LDLRAD4: variants seen among roughly 807,000 people sequenced by gnomAD.
LDLRAD4 encodes low-density lipoprotein receptor class A domain-containing protein 4.
LDLRAD4 carries 5 observed loss-of-function variants against 17.0 expected under a neutral mutation model. The observed-to-expected ratio is 0.29, with a 90% CI of 0.15 to 0.62. The LOEUF is 0.62. LDLRAD4 is among the 20% of genes least tolerant of loss of function. LDLRAD4 has a pLI of 0.84. For missense variants in LDLRAD4, 340 were observed against 424.7 expected (o/e 0.80, Z 1.75); for synonymous variants, 168 against 171.8 (o/e 0.98, Z 0.17).
chr18:13,225,034 T>C (rs556291738), intron 1 of LDLRAD4, among the ~76,000 whole-genome samples: 41 of 151,428 alleles, frequency 2.7e-4, no homozygotes, highest in Admixed American at 7.9e-4. Context: ...CGGGGTTTCG[T>C]CATGTTGGCC....
At chr18:13,308,378 C>A (rs2047036541) in intron 1 of LDLRAD4, among the ~76,000 whole-genome samples, 1 of 152,148 alleles carries the variant, frequency 6.6e-6, no homozygotes, top group Non-Finnish European at 1.5e-5. Context: ...TATTTTATTT[C>A]TCTTAATTTC....
intron 3 of LDLRAD4, among the ~76,000 whole-genome samples, chr18:13,553,611 A>G (rs963814414): frequency 6.6e-6 from 1 of 152,210 alleles, no homozygotes; most frequent in African/African-American, 2.4e-5. Context: ...AGTGATTCCC[A>G]TTAATAGCTG....
At chr18:13,302,795 C>T (rs893683796) in intron 1 of LDLRAD4, among the ~76,000 whole-genome samples, 5 of 152,164 alleles carry the variant, frequency 3.3e-5, no homozygotes, top group Non-Finnish European at 4.4e-5. Context: ...CTGTTACATG[C>T]TGTTATGTTA....
chr18:13,401,378 A>T (rs111937145), intron 2 of LDLRAD4, among the ~76,000 whole-genome samples: 3,012 of 152,202 alleles, frequency 0.02, 100 homozygotes, highest in African/African-American at 0.068. Context: ...TTGAAAAAAA[A>T]AAAAAAAACT....
rs114427959 is a variant in LDLRAD4 at position 13,498,430 on chromosome 18, G to A, written c.181+60046G>A. On this transcript the variant is annotated intron_variant, in intron 3 of 5. Transcript: ENST00000359446. ...CCATAGACACTGGAGAATCCTTCTC[G>A]CCACACACATCCCGCCGTGGACACT... Among the ~76,000 whole-genome samples, 876 of 100,006 alleles carry A rather than the reference G, an allele frequency of 8.8e-3. 8 individuals carry two copies. Among genetic ancestry groups the A allele is most frequent in the African/African-American group, 0.033 (825 of 25,046 alleles). 65.6% of individuals were successfully genotyped at this position (100,006 alleles called of 152,430 possible).
At chr18:13,558,514 T>C (rs943565385) in intron 3 of LDLRAD4, among the ~76,000 whole-genome samples, 14 of 152,370 alleles carry the variant, frequency 9.2e-5, no homozygotes, top group African/African-American at 2.6e-4. Context: ...GGAAGAGCTA[T>C]ATCTATGTAG....
chr18:13,260,860 C>T (rs1316262392), intron 1 of LDLRAD4, among the ~76,000 whole-genome samples: 1 of 152,230 alleles, frequency 6.6e-6, no homozygotes, highest in Admixed American at 6.5e-5. Flanking sequence ...GATGCCATGG[C>T]ACCTAGAAAC....
chr18:13,519,038 G>A (rs753396353), intron 3 of LDLRAD4, among the ~76,000 whole-genome samples: 3 of 152,290 alleles, frequency 2.0e-5, no homozygotes, highest in South Asian at 2.1e-4. Flanking sequence ...TTTGTCTCCC[G>A]TCTGCTAGCT....
chr18:13,306,500 C>T (rs879579305), intron 1 of LDLRAD4, among the ~76,000 whole-genome samples: 55 of 152,152 alleles, frequency 3.6e-4, no homozygotes, highest in Non-Finnish European at 7.1e-4. Context: ...TCTATTTGCC[C>T]TCAAATAAGA....
At position 13,645,084 on chromosome 18, in the gene LDLRAD4, T is replaced by C. The variant is rs775457494; in HGVS notation, c.391-43T>C. The C allele has an allele frequency of 1.3e-5, 19 of 1,519,678 alleles. No homozygotes were observed. The highest frequency in any genetic ancestry group is 4.1e-5 in the African/African-American group (3 of 73,032). The allele number at this position is 1,519,678 out of a possible 1,614,324, so 94.1% of individuals were successfully genotyped here. A position where few individuals can be genotyped will look rare whatever the true frequency, so the allele number is the denominator to read the frequency against. On this transcript the variant is annotated intron_variant, in intron 5 of 5. Coordinates refer to ENST00000359446, the Ensembl canonical transcript of LDLRAD4. The surrounding 1 kb of genome is among the most constrained non-coding windows in gnomAD (Gnocchi z 5.7). ...GATTCTGACACATTTATGGTCATCA[T>C]TGCGCTCAAACTGTCTTCAAGCCTC...
intron 4 of LDLRAD4, among the ~76,000 whole-genome samples, chr18:13,632,606 G>T (rs2096839): frequency 0.43 from 65,121 of 152,128 alleles, 15,690 homozygotes; most frequent in Middle Eastern, 0.58. Flanking sequence ...AGAACCCTAG[G>T]TCTGGGCTGC....
At chr18:13,586,580 T>C (rs1035903414) in intron 3 of LDLRAD4, among the ~76,000 whole-genome samples, 3 of 151,938 alleles carry the variant, frequency 2.0e-5, no homozygotes, top group African/African-American at 7.2e-5. Flanking sequence ...TACAAGGATC[T>C]CTGACTTTAA....
intron 3 of LDLRAD4, among the ~76,000 whole-genome samples, chr18:13,577,888 A>G (rs1396720967): frequency 6.6e-6 from 1 of 152,142 alleles, no homozygotes; most frequent in Admixed American, 6.5e-5. Flanking sequence ...ATGTTTCCTT[A>G]CTCTGGAATC....
intron 2 of LDLRAD4, among the ~76,000 whole-genome samples, chr18:13,415,078 G>T (rs750697862): frequency 1.3e-5 from 2 of 152,208 alleles, no homozygotes; most frequent in Non-Finnish European, 2.9e-5. Flanking sequence ...GTACAGCTGG[G>T]CTGGGCAGTG....
intron 3 of LDLRAD4, among the ~76,000 whole-genome samples, chr18:13,580,171 T>C (rs905913702): frequency 6.6e-6 from 1 of 152,192 alleles, no homozygotes; most frequent in African/African-American, 2.4e-5. Context: ...CTGTGCCTCG[T>C]GCATACTGTG....
At chr18:13,453,714 C>A (rs1037907706) in intron 3 of LDLRAD4, among the ~76,000 whole-genome samples, 1 of 152,198 alleles carries the variant, frequency 6.6e-6, no homozygotes, top group African/African-American at 2.4e-5. Context: ...GATGAGAGCC[C>A]CAGCTCTGAG....
intron 5 of LDLRAD4, among the ~76,000 whole-genome samples, chr18:13,643,909 CGTGT>C (rs988621470): frequency 6.6e-6 from 1 of 151,746 alleles, no homozygotes; most frequent in African/African-American, 2.4e-5. Context: ...TGCATATATG[CGTGT>C]GTGTGTGTAT....
chr18:13,428,674 G>A (rs2090118215), intron 2 of LDLRAD4, among the ~76,000 whole-genome samples: 2 of 152,138 alleles, frequency 1.3e-5, no homozygotes, highest in Admixed American at 1.3e-4. Flanking sequence ...GAGGTGGTGG[G>A]AAGGGGTCCA....
intron 4 of LDLRAD4, among the ~76,000 whole-genome samples, chr18:13,630,485 A>T (rs1344101033): frequency 6.6e-6 from 1 of 152,214 alleles, no homozygotes; most frequent in Non-Finnish European, 1.5e-5. Context: ...GATCAATTTC[A>T]CCTCTTCTTT....
Sources: gnomAD v4.1 joint callset for allele counts (sites outside exome capture counted in the v4.1 genomes callset) on GRCh38, gnomAD v4.1.1 for gene constraint, Gnocchi (gnomAD v3.1) non-coding constraint, MANE v1.5 for transcripts, NCBI Gene and HGNC (gene_info 2026-07-23, HGNC 2026-07-21) for gene names.